CTNNA2: variants seen among roughly 807,000 people sequenced by gnomAD.
CTNNA2 encodes the protein catenin alpha-2.
Under a neutral mutation model 101.0 loss-of-function variants are expected in CTNNA2, and 42 were observed. The observed-to-expected ratio is 0.42, with a 90% CI of 0.32 to 0.54. CTNNA2 has a LOEUF of 0.54. Ranked by LOEUF, CTNNA2 falls within the 20% of genes least tolerant of loss-of-function variation. The probability of loss-of-function intolerance (pLI) is 0.14; values close to 1 mark genes in which losing one functional copy is unlikely to be tolerated. For missense variants in CTNNA2, 871 were observed against 1,223.1 expected (o/e 0.71, Z 4.29); for synonymous variants, 450 against 456.4 (o/e 0.99, Z 0.18).
intron 7 of CTNNA2, among the ~76,000 whole-genome samples, chr2:80,044,411 A>G (rs1387035889): frequency 2.0e-5 from 3 of 152,194 alleles, no homozygotes; most frequent in Admixed American, 6.5e-5. Context: ...AAATGCATCC[A>G]GGATACTGAC....
At chr2:79,860,467 G>C (rs1450332179) in intron 4 of CTNNA2, among the ~76,000 whole-genome samples, 2 of 149,842 alleles carry the variant, frequency 1.3e-5, no homozygotes, top group Middle Eastern at 3.2e-3. Context: ...GACCAGTGCT[G>C]TTGGCTCATC....
intron 3 of CTNNA2, among the ~76,000 whole-genome samples, chr2:79,830,119 T>C (rs1330223880): frequency 6.6e-6 from 1 of 152,166 alleles, no homozygotes; most frequent in African/African-American, 2.4e-5. Flanking sequence ...TGTATGTACC[T>C]GGGAACCTCT....
intron 3 of CTNNA2, among the ~76,000 whole-genome samples, chr2:79,320,497 T>TA (rs1319946433): frequency 2.0e-5 from 3 of 152,026 alleles, no homozygotes; most frequent in Non-Finnish European, 4.4e-5. Context: ...GATGTTGCTC[T>TA]AAAAAAAATT....
chr2:80,312,290 C>G (rs112391667), intron 7 of CTNNA2, among the ~76,000 whole-genome samples: 2 of 152,106 alleles, frequency 1.3e-5, no homozygotes, highest in African/African-American at 4.8e-5. Context: ...AGGGTTGGAC[C>G]GCACAGTCTA....
At chr2:80,528,730 G>T (rs1301933995) in intron 9 of CTNNA2, among the ~76,000 whole-genome samples, 1 of 152,150 alleles carries the variant, frequency 6.6e-6, no homozygotes, top group Non-Finnish European at 1.5e-5. Flanking sequence ...TCATTCCAGA[G>T]AGGGCTTTTT....
intron 12 of CTNNA2, chr2:80,572,921 C>CT: frequency 6.6e-6 from 1 of 152,246 alleles, no homozygotes; most frequent in Non-Finnish European, 1.5e-5. Flanking sequence ...TCTCCCCCTC[C>CT]TTTTTTAAGT....
intron 7 of CTNNA2, among the ~76,000 whole-genome samples, chr2:80,152,171 G>A (rs1401830844): frequency 6.6e-6 from 1 of 152,200 alleles, no homozygotes; most frequent in African/African-American, 2.4e-5. Flanking sequence ...ATACGATTCA[G>A]TTAAGAATAC....
intron 7 of CTNNA2, among the ~76,000 whole-genome samples, chr2:80,024,681 G>T (rs192180782): frequency 3.5e-4 from 54 of 152,304 alleles, no homozygotes; most frequent in Admixed American, 1.6e-3. Context: ...CAACTGTGTT[G>T]CAATGCTCTT....
At chr2:80,630,741 A>G (rs1672204376) in intron 18 of CTNNA2, among the ~76,000 whole-genome samples, 1 of 152,206 alleles carries the variant, frequency 6.6e-6, no homozygotes, top group African/African-American at 2.4e-5. Flanking sequence ...GATAGTTAAA[A>G]TAATCATTTT....
At chr2:79,214,596 A>C (rs1413151397) in intron 2 of CTNNA2, among the ~76,000 whole-genome samples, 1 of 152,018 alleles carries the variant, frequency 6.6e-6, no homozygotes, top group Non-Finnish European at 1.5e-5. Flanking sequence ...TTAGGTTTTA[A>C]TGGGATGGTA....
At chr2:80,227,156 T>C (rs1456310378) in intron 7 of CTNNA2, among the ~76,000 whole-genome samples, 3 of 152,210 alleles carry the variant, frequency 2.0e-5, no homozygotes, top group Non-Finnish European at 4.4e-5. Flanking sequence ...TATTATATCT[T>C]ATTGCTTAGT....
chr2:79,191,916 C>T (rs543302165), intron 1 of CTNNA2, among the ~76,000 whole-genome samples: 1 of 152,166 alleles, frequency 6.6e-6, no homozygotes, highest in African/African-American at 2.4e-5. Flanking sequence ...CGCAGAGATG[C>T]CTCACACAAC....
chr2:79,344,846 T>C (rs1259651817), intron 3 of CTNNA2, among the ~76,000 whole-genome samples: 1 of 145,202 alleles, frequency 6.9e-6, no homozygotes, highest in Non-Finnish European at 1.5e-5. Flanking sequence ...ATAATACAAA[T>C]ATTATATATA....
chr2:79,213,372 G>C lies in CTNNA2; in HGVS notation c.-406+15296G>C, dbSNP rs563326532. Among the ~76,000 whole-genome samples the C allele has an allele frequency of 3.3e-5, 5 of 152,268 alleles. No individual in the cohort carries two copies. In the East Asian group the frequency reaches 9.7e-4, roughly 29 times the overall value. On this transcript the variant is annotated intron_variant, in intron 2 of 21. Coordinates refer to the CTNNA2 transcript ENST00000466387. ...CCCTTGTGTAGTGAGGAAACCTCTT[G>C]CATGGTGGTGCAGGATATGGAAGGC... is the stretch of plus-strand genomic sequence containing the variant.
intron 3 of CTNNA2, among the ~76,000 whole-genome samples, chr2:79,364,619 C>A (rs2104449739): frequency 6.6e-6 from 1 of 152,264 alleles, no homozygotes; most frequent in East Asian, 1.9e-4. Flanking sequence ...GAGTTCTTGA[C>A]TGCTTTAGGT....
chr2:79,396,003 G>A (rs774849707), intron 4 of CTNNA2, among the ~76,000 whole-genome samples: 14 of 151,960 alleles, frequency 9.2e-5, no homozygotes, highest in Admixed American at 2.0e-4. Flanking sequence ...TCACATTTAC[G>A]GTCTGACACA....
chr2:79,480,042 C>T (rs1004951739), intron 4 of CTNNA2, among the ~76,000 whole-genome samples: 39 of 152,094 alleles, frequency 2.6e-4, no homozygotes, highest in African/African-American at 8.7e-4. Flanking sequence ...TAGAGTGGGC[C>T]TGAAGGTGCT....
At chr2:79,823,997 A>G (rs931015414) in intron 3 of CTNNA2, among the ~76,000 whole-genome samples, 1 of 152,178 alleles carries the variant, frequency 6.6e-6, no homozygotes, top group African/African-American at 2.4e-5. Context: ...TTAGGGGGAA[A>G]AAAAATAAAA....
chr2:80,396,569 T>C (rs965749761), intron 8 of CTNNA2, among the ~76,000 whole-genome samples: 1 of 152,218 alleles, frequency 6.6e-6, no homozygotes, highest in Non-Finnish European at 1.5e-5. Context: ...TTCTGCCAAC[T>C]GTACCCCTAT....
Sources: gnomAD v4.1 joint callset for allele counts (sites outside exome capture counted in the v4.1 genomes callset) on GRCh38, gnomAD v4.1.1 for gene constraint, MANE v1.5 for transcripts, NCBI Gene and HGNC (gene_info 2026-07-23, HGNC 2026-07-21) for gene names.